The following WDR47 variants were observed in gnomAD, a reference collection of about 807,000 sequenced individuals.
WDR47 encodes WD repeat-containing protein 47.
WDR47 carries 32 observed loss-of-function variants against 97.2 expected under a neutral mutation model. The ratio of observed to expected loss-of-function variants is 0.33; its 90% CI spans 0.25 to 0.44. The LOEUF (loss-of-function observed/expected upper bound fraction) is 0.44. WDR47 is among the 20% of genes least tolerant of loss of function. The probability of loss-of-function intolerance (pLI) is 1.00; values close to 1 mark genes in which losing one functional copy is unlikely to be tolerated. For synonymous variants in WDR47, 375 were observed against 373.5 expected, an observed-to-expected ratio of 1.00 and a Z score of -0.05; for missense variants, 782 against 1,102.3, an observed-to-expected ratio of 0.71 and a Z score of 4.11.
At chr1:109,028,509 C>T (rs1375201612) in intron 1 of WDR47, among the ~76,000 whole-genome samples, 1 of 151,592 alleles carries the variant, frequency 6.6e-6, no homozygotes. Context: ...TCATGCCTGG[C>T]CCAGAGGACT....
chr1:109,013,662 G>C (rs1661205983), intron 4 of WDR47, among the ~76,000 whole-genome samples, 179 bp downstream of exon 4: 2 of 152,100 alleles, frequency 1.3e-5, no homozygotes, highest in African/African-American at 4.8e-5. Flanking sequence ...TTAAACCATG[G>C]AACAAGTTTA....
At chr1:109,022,580 C>T (rs1424114042) in intron 2 of WDR47, among the ~76,000 whole-genome samples, 1 of 151,822 alleles carries the variant, frequency 6.6e-6, no homozygotes, top group Non-Finnish European at 1.5e-5. Context: ...GTAAATGTTC[C>T]TTTTTTTTAT....
At chr1:108,973,932 G>A (rs1657681809) in intron 14 of WDR47, among the ~76,000 whole-genome samples, 1 of 150,474 alleles carries the variant, frequency 6.6e-6, no homozygotes. Context: ...GATGGCTCAC[G>A]CCTATAATCC....
intron 6 of WDR47, among the ~76,000 whole-genome samples, chr1:109,003,925 T>C (rs866410507): frequency 1.3e-4 from 20 of 152,330 alleles, no homozygotes; most frequent in Admixed American, 3.3e-4. Flanking sequence ...TCTAATTTCT[T>C]ATTCTTAAAT....
At chr1:109,030,281 C>T in intron 1 of WDR47, 1 of 1,475,936 alleles carries the variant, frequency 6.8e-7, no homozygotes, top group South Asian at 1.3e-5. Context: ...AAAAGCAAGG[C>T]TTACAGAAGG....
intron 1 of WDR47, among the ~76,000 whole-genome samples, chr1:109,027,431 T>C (rs941489674): frequency 6.6e-6 from 1 of 152,190 alleles, no homozygotes; most frequent in African/African-American, 2.4e-5. Context: ...GCTTGATGAC[T>C]ATATCTTAGA....
At chr1:109,040,981 T>C (rs1663313770) in intron 1 of WDR47, among the ~76,000 whole-genome samples, 1 of 151,984 alleles carries the variant, frequency 6.6e-6, no homozygotes, top group African/African-American at 2.4e-5. Flanking sequence ...AGACTTCTCC[T>C]TTCATTATGC....
chr1:109,017,880 G>A (rs1406339769), intron 2 of WDR47, among the ~76,000 whole-genome samples: 1 of 151,600 alleles, frequency 6.6e-6, no homozygotes, highest in Non-Finnish European at 1.5e-5. Flanking sequence ...CCGAGAAGCT[G>A]GGACTATAGG....
chr1:109,004,840 G>A (rs962251062), intron 5 of WDR47, 125 bp from the exon 6 acceptor site: 11 of 1,184,510 alleles, frequency 9.3e-6, no homozygotes, highest in Non-Finnish European at 1.1e-5. Context: ...CTGTAGCCCC[G>A]ACTGGAGTGA....
chr1:108,974,019 T>C (rs489794), intron 14 of WDR47, among the ~76,000 whole-genome samples: 113,967 of 151,942 alleles, frequency 0.75, 43,006 homozygotes, highest in East Asian at 0.87. Flanking sequence ...CATGGCAAAA[T>C]TTTGTCTCTA....
chr1:109,021,330 C>T (rs1194106716), intron 2 of WDR47, among the ~76,000 whole-genome samples: 1 of 151,950 alleles, frequency 6.6e-6, no homozygotes, highest in Non-Finnish European at 1.5e-5. Context: ...GAGTTTGAGA[C>T]CAGCCTTGCC....
Position 108,974,624 on chromosome 1 carries a change from A to T in WDR47, c.2529T>A (p.Ser843Arg). The T allele has an allele frequency of 1.9e-6, 3 of 1,614,138 alleles. No homozygotes were observed. The highest frequency in any genetic ancestry group is 2.5e-6 in the Non-Finnish European group (3 of 1,180,030). Residue 843 changes from serine to arginine, a missense_variant, in exon 14 of 15, where the codon AGT becomes AGA. Transcript: ENST00000369962. ...RMVQSYHPHS[S>R]DVRSVRFSPG... ...GGGAGAATCGAACAGAGCGAACATC[A>T]CTGGAATGAGGATGATAACTTTGTA... is the stretch of plus-strand genomic sequence containing the variant.
chr1:109,017,259 A>C (rs1661485640), intron 3 of WDR47, among the ~76,000 whole-genome samples: 3 of 152,092 alleles, frequency 2.0e-5, no homozygotes, highest in Admixed American at 2.0e-4. Flanking sequence ...AAAATTAGCT[A>C]GGCTGATGGT....
At position 108,985,503 on chromosome 1, in the gene WDR47, C is replaced by G. The variant is rs370998053; in HGVS notation, c.1925+1020G>C. Among the ~76,000 whole-genome samples, 16 of 152,222 alleles carry G rather than the reference C, an allele frequency of 1.1e-4. No homozygotes were observed. In the East Asian group the frequency reaches 1.5e-3, roughly 15 times the overall value. ...TGTAATCTTTCTTCATAACATTTAC[C>G]AAAATGTATATTTGTGTTCATTTGC... On this transcript the variant is annotated intron_variant, in intron 10 of 14. Coordinates refer to ENST00000369962, the MANE Select transcript of WDR47 (RefSeq NM_001142551.2).
chr1:109,041,137 G>A (rs935000243), intron 1 of WDR47, among the ~76,000 whole-genome samples: 1 of 14,458 alleles, frequency 6.9e-5, no homozygotes, highest in African/African-American at 2.7e-4. Context: ...CCCCGCCCCC[G>A]CCCCCTTTGC....
chr1:109,002,428 T>C (rs1472751156), intron 6 of WDR47, 26 bp from the exon 7 acceptor site: 6 of 1,514,866 alleles, frequency 4.0e-6, no homozygotes, highest in Non-Finnish European at 5.3e-6. Flanking sequence ...AAAAAACATA[T>C]ATATTTGAGC....
At chr1:109,041,169 A>G (rs1228384149) in intron 1 of WDR47, among the ~76,000 whole-genome samples, 1 of 126,848 alleles carries the variant, frequency 7.9e-6, no homozygotes, top group African/African-American at 3.0e-5. Flanking sequence ...CCCCAGAGCT[A>G]GAGTTCCAAT....
At position 109,036,652 on chromosome 1, in the gene WDR47, C is replaced by T. The variant is rs759421437; in HGVS notation, c.-10+5210G>A. Among the ~76,000 whole-genome samples the T allele has an allele frequency of 1.2e-4, 18 of 151,558 alleles. 1 individual carries two copies. Among genetic ancestry groups the T allele is most frequent in the South Asian group, 4.2e-4 (2 of 4,812 alleles). ...CAGATCGAGACCATCCTGGCTAACA[C>T]GGTGAAACCCCGTCTCTACTAACAA... On this transcript the variant is annotated intron_variant, in intron 1 of 14. Coordinates refer to ENST00000369962, the MANE Select transcript of WDR47 (RefSeq NM_001142551.2).
At chr1:109,032,111 T>C (rs1324678310) in intron 1 of WDR47, among the ~76,000 whole-genome samples, 3 of 139,070 alleles carry the variant, frequency 2.2e-5, no homozygotes, top group African/African-American at 7.8e-5. Flanking sequence ...CAATCTTTCT[T>C]TATGAGACTA....
Sources: allele counts gnomAD v4.1 joint callset (sites outside exome capture counted in the v4.1 genomes callset), GRCh38; gene constraint gnomAD v4.1.1; transcripts MANE v1.5; gene names NCBI Gene and HGNC (gene_info 2026-07-23, HGNC 2026-07-21).